F8: variants seen among roughly 807,000 people sequenced by gnomAD.
F8 encodes antihemophilic factor.
Under a neutral mutation model 140.6 loss-of-function variants are expected in F8, and 12 were observed. The ratio of observed to expected loss-of-function variants is 0.09; its 90% CI spans 0.05 to 0.14. The LOEUF (loss-of-function observed/expected upper bound fraction) is 0.14, where lower values mean the gene tolerates loss of function less well. Among genes scored for constraint, F8 ranks in the 10% least tolerant of loss-of-function variants. The probability of loss-of-function intolerance (pLI) is 1.00; values close to 1 mark genes in which losing one functional copy is unlikely to be tolerated. For synonymous variants in F8, 585 were observed against 614.6 expected, an observed-to-expected ratio of 0.95 and a Z score of 0.71; for missense variants, 1,354 against 1,720.7, an observed-to-expected ratio of 0.79 and a Z score of 3.77.
intron 25 of F8, 73 bp downstream of exon 25, chrX:154,860,359 T>C (rs2072680206): frequency 8.9e-7 from 1 of 1,123,733 alleles, no homozygotes; most frequent in South Asian, 1.8e-5. Context: ...TCAACCTTTT[T>C]ATGTTATGTT....
At chrX:154,926,793 G>A (rs2073163348) in intron 14 of F8, among the ~76,000 whole-genome samples, 2 of 111,910 alleles carry the variant, frequency 1.8e-5, no homozygotes, top group East Asian at 2.8e-4. Flanking sequence ...TGTAAATTTT[G>A]ACTTCAGGAG....
At chrX:154,876,233 C>T (rs1172897550) in intron 22 of F8, among the ~76,000 whole-genome samples, 1 of 108,090 alleles carries the variant, frequency 9.3e-6, no homozygotes, top group African/African-American at 3.4e-5. Context: ...CATTCTCTTG[C>T]CTCAGCCTCC....
chrX:154,990,298 A>G (rs2073580518), intron 4 of F8, among the ~76,000 whole-genome samples: 1 of 111,658 alleles, frequency 9.0e-6, no homozygotes, highest in African/African-American at 3.3e-5. Context: ...TATTTTTGAT[A>G]TACCATTGTA....
chrX:154,924,530 T>A (rs1030330454), intron 14 of F8, among the ~76,000 whole-genome samples: 6 of 111,583 alleles, frequency 5.4e-5, no homozygotes. Context: ...TTGAAAGAGA[T>A]GATTTAGGGT....
chrX:154,854,074 C>T (rs1557272322), intron 25 of F8, among the ~76,000 whole-genome samples: 1 of 111,993 alleles, frequency 8.9e-6, no homozygotes, highest in African/African-American at 3.2e-5. Flanking sequence ...AAATAACTCT[C>T]CATTTCTTCC....
At chrX:154,904,128 A>G in intron 17 of F8, 40 bp from the exon 18 acceptor site, 10 of 1,195,857 alleles carry the variant, frequency 8.4e-6, no homozygotes, top group Non-Finnish European at 1.0e-5. Flanking sequence ...AATCTATTAT[A>G]TAAGTTTCTT....
At chrX:154,925,685 A>C (rs2073156516) in intron 14 of F8, among the ~76,000 whole-genome samples, 1 of 112,362 alleles carries the variant, frequency 8.9e-6, no homozygotes, top group African/African-American at 3.2e-5. Flanking sequence ...GTTTTGGCCA[A>C]TTTCTCCCAT....
At chrX:154,857,016 C>T (rs781947991) in intron 25 of F8, among the ~76,000 whole-genome samples, 1 of 111,982 alleles carries the variant, frequency 8.9e-6, no homozygotes, top group Non-Finnish European at 1.9e-5. Flanking sequence ...TCCTGGAATG[C>T]GTAATTGGAA....
chrX:154,952,586 G>A (rs1379345865), intron 12 of F8, among the ~76,000 whole-genome samples: 1 of 103,484 alleles, frequency 9.7e-6, no homozygotes, highest in African/African-American at 3.6e-5. Context: ...CTCTGTCGCC[G>A]GCCTGGAGTG....
chrX:154,872,800 C>CA (rs1306104186), intron 22 of F8, among the ~76,000 whole-genome samples: 11 of 110,447 alleles, frequency 1.0e-4, no homozygotes, highest in East Asian at 2.8e-4. Flanking sequence ...TCTAAAGACT[C>CA]AAAAAAAAAT....
At chrX:154,978,714 A>AAT (rs2073500954) in intron 6 of F8, among the ~76,000 whole-genome samples, 1 of 109,991 alleles carries the variant, frequency 9.1e-6, no homozygotes, top group Admixed American at 9.6e-5. Context: ...CTGGTGTAAT[A>AAT]ATCACTTTTT....
At chrX:154,873,917 T>A (rs2072793441) in intron 22 of F8, among the ~76,000 whole-genome samples, 1 of 112,055 alleles carries the variant, frequency 8.9e-6, no homozygotes, top group Non-Finnish European at 1.9e-5. Flanking sequence ...AAAAGCTACC[T>A]GATATTGATT....
At chrX:154,850,264 G>T (rs1557272056) in intron 25 of F8, among the ~76,000 whole-genome samples, 1 of 109,582 alleles carries the variant, frequency 9.1e-6, no homozygotes, top group Non-Finnish European at 1.9e-5. Flanking sequence ...GAGTAGCTGG[G>T]ATTACAAGCG....
chrX:154,842,635 A>G (rs1360575003), intron 25 of F8, among the ~76,000 whole-genome samples: 3 of 111,920 alleles, frequency 2.7e-5, no homozygotes, highest in Non-Finnish European at 5.6e-5. Context: ...TTTTATAGTT[A>G]TCTTTCTTAT....
At chrX:154,881,589 C>T (rs782279334) in intron 22 of F8, among the ~76,000 whole-genome samples, 17 of 108,495 alleles carry the variant, frequency 1.6e-4, no homozygotes, top group East Asian at 1.4e-3. Flanking sequence ...CATGGCGGAG[C>T]GGGGGCGGGG....
chrX:155,012,144 T>C (rs2073708839), intron 1 of F8, among the ~76,000 whole-genome samples: 1 of 112,256 alleles, frequency 8.9e-6, no homozygotes, highest in African/African-American at 3.2e-5. Context: ...AATTTTATGA[T>C]ATGTAAAGTA....
chrX:154,863,470 G>A (rs1207586167), intron 22 of F8, among the ~76,000 whole-genome samples: 1 of 111,553 alleles, frequency 9.0e-6, no homozygotes, highest in Non-Finnish European at 1.9e-5. Flanking sequence ...TCTACTTTGA[G>A]TTCCTGTAAA....
At chrX:155,013,940 A>T (rs1799073190) in intron 1 of F8, among the ~76,000 whole-genome samples, 1 of 111,036 alleles carries the variant, frequency 9.0e-6, no homozygotes, top group Non-Finnish European at 1.9e-5. Context: ...CTCCATCCTT[A>T]TGGCCTCATT....
At chrX:154,896,675 C>G (rs1354752424) in intron 21 of F8, among the ~76,000 whole-genome samples, 4 of 111,700 alleles carry the variant, frequency 3.6e-5, no homozygotes, top group Non-Finnish European at 7.5e-5. Flanking sequence ...ACCCCAACAT[C>G]ACTGTCAGTG....
Sources: gnomAD v4.1 joint callset for allele counts (sites outside exome capture counted in the v4.1 genomes callset) on GRCh38, gnomAD v4.1.1 for gene constraint, MANE v1.5 for transcripts, NCBI Gene and HGNC (gene_info 2026-07-23, HGNC 2026-07-21) for gene names.